The following CACNA1E variants were observed in gnomAD, a reference collection of about 807,000 sequenced individuals.
CACNA1E encodes voltage-dependent R-type calcium channel subunit alpha-1E.
CACNA1E carries 40 observed loss-of-function variants against 259.2 expected under a neutral mutation model. The ratio of observed to expected loss-of-function variants is 0.15; its 90% CI spans 0.12 to 0.20. The LOEUF (loss-of-function observed/expected upper bound fraction) is 0.20. CACNA1E is among the 10% of genes least tolerant of loss of function. CACNA1E has a pLI of 1.00. For synonymous variants in CACNA1E, 1,104 were observed against 1,138.5 expected (o/e 0.97, Z 0.61); for missense variants, 1,874 against 3,040.1 (o/e 0.62, Z 9.02).
At chr1:181,479,979 A>G (rs1663123001), upstream of CACNA1E, among the ~76,000 whole-genome samples, 1 of 152,200 alleles carries the variant, frequency 6.6e-6, no homozygotes. Context: ...AAACACATGT[A>G]TTATTCAACC....
chr1:181,442,240 A>ACAGGTGTGAAGGG (rs1660530275), intron 2 of CACNA1E, among the ~76,000 whole-genome samples: 1 of 142,174 alleles, frequency 7.0e-6, no homozygotes, highest in Admixed American at 6.9e-5. Flanking sequence ...AGTATGAGGG[A>ACAGGTGTGAAGGG]CACAGGTGTG....
chr1:181,508,581 G>T (rs1483923965), intron 1 of CACNA1E, among the ~76,000 whole-genome samples: 1 of 152,182 alleles, frequency 6.6e-6, no homozygotes, highest in Non-Finnish European at 1.5e-5. Context: ...TGTGGTTCCT[G>T]GTTGCTCTGC....
intron 4 of CACNA1E, among the ~76,000 whole-genome samples, chr1:181,578,546 G>A (rs111524603): frequency 2.0e-5 from 3 of 152,166 alleles, no homozygotes; most frequent in Non-Finnish European, 2.9e-5. Flanking sequence ...CAGCCTTGGC[G>A]ACAGACCGAC....
intron 34 of CACNA1E, among the ~76,000 whole-genome samples, chr1:181,766,052 A>G (rs1201729015): frequency 6.6e-6 from 1 of 152,236 alleles, no homozygotes; most frequent in Non-Finnish European, 1.5e-5. Context: ...TGACCTTTCT[A>G]GGAACTTACA....
intron 6 of CACNA1E, among the ~76,000 whole-genome samples, chr1:181,592,269 C>T (rs1652728444): frequency 5.9e-5 from 9 of 152,156 alleles, no homozygotes; most frequent in Admixed American, 5.9e-4. Flanking sequence ...ACCCCAGTCC[C>T]CTAGACATGG....
intron 6 of CACNA1E, among the ~76,000 whole-genome samples, chr1:181,583,013 T>C (rs546430570): frequency 3.9e-5 from 6 of 152,016 alleles, no homozygotes; most frequent in Non-Finnish European, 8.8e-5. Context: ...GGCCTCCTGC[T>C]ATTCTGATGG....
chr1:181,570,506 C>T (rs754486179), intron 3 of CACNA1E, among the ~76,000 whole-genome samples: 6 of 152,188 alleles, frequency 3.9e-5, no homozygotes, highest in South Asian at 2.1e-4. Context: ...TAAAGCAACA[C>T]GTGTATTTTC....
chr1:181,406,836 A>G (rs1380835000), intron 1 of CACNA1E, among the ~76,000 whole-genome samples: 1 of 152,082 alleles, frequency 6.6e-6, no homozygotes, highest in Non-Finnish European at 1.5e-5. Context: ...TTTGCCCCAT[A>G]TTTACCTAAC....
rs546643971 is a variant in CACNA1E, at chr1:181,557,487, GTGGAGCAGGAGTGTCC to G, written c.513-20276_513-20261del. 2.5e-3 allele frequency among the ~76,000 whole-genome samples: 384 copies of G among 152,352 alleles called. 1 individual carries two copies. The highest frequency in any genetic ancestry group is 8.9e-3 in the African/African-American group (370 of 41,590). On this transcript the variant is annotated intron_variant, in intron 3 of 47. Coordinates refer to ENST00000367573, the MANE Select transcript of CACNA1E (RefSeq NM_001205293.3). ...GAACAGTCCTCTTGCTGACAGCTGT[GTGGAGCAGGAGTGTCC>G]TGTTCGCATGCCAAGTACTCAGACT...
chr1:181,588,608 C>T (rs1277719421), intron 6 of CACNA1E, among the ~76,000 whole-genome samples: 1 of 152,234 alleles, frequency 6.6e-6, no homozygotes, highest in Admixed American at 6.5e-5. Context: ...AGTGTGCCTC[C>T]TGATCTGGTG....
chr1:181,772,900 G>A (rs1659646517), intron 37 of CACNA1E, among the ~76,000 whole-genome samples: 1 of 152,140 alleles, frequency 6.6e-6, no homozygotes, highest in African/African-American at 2.4e-5. Flanking sequence ...TGCCTCTGAA[G>A]TCTCTTTTGG....
chr1:181,577,936 T>G, intron 4 of CACNA1E, 67 bp downstream of exon 4: 1 of 1,049,602 alleles, frequency 9.5e-7, no homozygotes, highest in Non-Finnish European at 1.4e-6. Flanking sequence ...TGGATCCAGG[T>G]CTAAGGGAAT....
At chr1:181,356,232 G>A (rs983491567) in intron 1 of CACNA1E, among the ~76,000 whole-genome samples, 2 of 152,120 alleles carry the variant, frequency 1.3e-5, no homozygotes, top group Non-Finnish European at 2.9e-5. Context: ...ACTTGGAGCC[G>A]AGTTATTTTT....
At chr1:181,657,865 G>C (rs1398234616) in intron 7 of CACNA1E, among the ~76,000 whole-genome samples, 1 of 152,220 alleles carries the variant, frequency 6.6e-6, no homozygotes, top group Admixed American at 6.5e-5. Flanking sequence ...CTCATTCAGT[G>C]AGTGTTTGTT....
intron 2 of CACNA1E, among the ~76,000 whole-genome samples, chr1:181,459,366 A>G (rs182902149): frequency 3.9e-5 from 6 of 152,222 alleles, no homozygotes; most frequent in African/African-American, 1.4e-4. Flanking sequence ...CCCTTTACAC[A>G]TGTTCAGGTA....
At chr1:181,734,672 C>A (rs1655863372) in intron 21 of CACNA1E, among the ~76,000 whole-genome samples, 1 of 142,690 alleles carries the variant, frequency 7.0e-6, no homozygotes, top group Non-Finnish European at 1.5e-5. Context: ...CACACCCTAC[C>A]CTTGCCCTGA....
At chr1:181,689,973 A>C (rs995057916) in intron 7 of CACNA1E, among the ~76,000 whole-genome samples, 4 of 152,092 alleles carry the variant, frequency 2.6e-5, no homozygotes, top group African/African-American at 4.8e-5. Flanking sequence ...GGAACTCTTT[A>C]GTTTGATTAG....
Position 181,799,037 on chromosome 1 carries a change from G to A in CACNA1E, c.*203G>A. 1 of 475,244 alleles carries A rather than the reference G, an allele frequency of 2.1e-6. No homozygotes were observed. Among genetic ancestry groups the A allele is most frequent in the Non-Finnish European group, 3.6e-6 (1 of 274,598 alleles). The allele number at this position is 475,244 out of a possible 1,614,324, so 29.4% of individuals were successfully genotyped here. A position where few individuals can be genotyped will look rare whatever the true frequency, so the allele number is the denominator to read the frequency against. ...TGCTTTATTCCCCTTTGCAAGATGG[G>A]CACTGCCATAGTTCTGCCTCTTTGC... On this transcript the variant is annotated 3_prime_UTR_variant, in exon 48 of 48. Coordinates refer to ENST00000367573, the MANE Select transcript of CACNA1E (RefSeq NM_001205293.3).
In CACNA1E at chr1:181,798,919, G is replaced by A; in HGVS notation, c.*85G>A. 8.1e-7 allele frequency: 1 copy of A among 1,240,776 alleles called. No individual in the cohort carries two copies. The highest frequency in any genetic ancestry group is 2.0e-4 in the Middle Eastern group (1 of 5,076). 76.9% of individuals were successfully genotyped at this position (1,240,776 alleles called of 1,614,324 possible). On this transcript the variant is annotated 3_prime_UTR_variant, in exon 48 of 48. Transcript: ENST00000367573. This position sits in a 1 kb window ranked among gnomAD's most constrained non-coding sequence, Gnocchi z 4.2. ...TGGGAAGCCAGTGCGGCCCGGGGGG[G>A]AGGAAGAGGGAAAAGGAAGATGGAA...
Sources: gnomAD v4.1 joint callset for allele counts (sites outside exome capture counted in the v4.1 genomes callset) on GRCh38, gnomAD v4.1.1 for gene constraint, Gnocchi (gnomAD v3.1) non-coding constraint, MANE v1.5 for transcripts, NCBI Gene and HGNC (gene_info 2026-07-23, HGNC 2026-07-21) for gene names.